CNTN5: variants seen among roughly 807,000 people sequenced by gnomAD.
CNTN5 encodes the protein contactin-5.
CNTN5 carries 77 observed loss-of-function variants against 129.1 expected under a neutral mutation model. The ratio of observed to expected loss-of-function variants is 0.60; its 90% CI spans 0.50 to 0.72. The LOEUF (loss-of-function observed/expected upper bound fraction) is 0.72, where lower values mean the gene tolerates loss of function less well. Ranked by LOEUF, CNTN5 falls within the 30% of genes least tolerant of loss-of-function variation. CNTN5 has a pLI of 0.00. For missense variants in CNTN5, 1,478 were observed against 1,328.8 expected, an observed-to-expected ratio of 1.11 and a Z score of -1.75; for synonymous variants, 509 against 465.6, an observed-to-expected ratio of 1.09 and a Z score of -1.20.
Position 100,299,142 on chromosome 11 carries a change from A to T in CNTN5, c.2386-20A>T. The T allele has an allele frequency of 2.1e-6, 3 of 1,445,218 alleles. No individual in the cohort carries two copies. Among genetic ancestry groups the T allele is most frequent in the Non-Finnish European group, 2.8e-6 (3 of 1,059,238 alleles). 89.5% of individuals were successfully genotyped at this position (1,445,218 alleles called of 1,614,324 possible). ...TAATCAATCATTTTGCTGATAATTAATTATATTTTTCTTCTTTAGCCAGTA... is the reference window on the plus strand; with the variant it reads ...TAATCAATCATTTTGCTGATAATTATTTATATTTTTCTTCTTTAGCCAGTA... On this transcript the variant is annotated intron_variant, in intron 19 of 24. Coordinates refer to ENST00000524871, the MANE Select transcript of CNTN5 (RefSeq NM_014361.4).
At chr11:99,714,259 A>G (rs1027065226) in intron 3 of CNTN5, among the ~76,000 whole-genome samples, 8 of 151,992 alleles carry the variant, frequency 5.3e-5, no homozygotes, top group African/African-American at 1.9e-4. Flanking sequence ...GTTATATTTC[A>G]TTGTATATTT....
At chr11:99,610,753 A>G (rs1950570263) in intron 3 of CNTN5, among the ~76,000 whole-genome samples, 1 of 152,168 alleles carries the variant, frequency 6.6e-6, no homozygotes, top group African/African-American at 2.4e-5. Context: ...TCGCAAGCTT[A>G]GTTTAGGTTG....
chr11:99,589,085 G>T (rs774973318), intron 3 of CNTN5, among the ~76,000 whole-genome samples: 4 of 152,206 alleles, frequency 2.6e-5, no homozygotes, highest in African/African-American at 9.6e-5. Flanking sequence ...ACATGAACAT[G>T]TTGTGAAACT....
intron 1 of CNTN5, among the ~76,000 whole-genome samples, chr11:99,246,302 C>T (rs1046875105): frequency 1.1e-4 from 14 of 124,676 alleles, no homozygotes; most frequent in African/African-American, 3.8e-4. Flanking sequence ...ACTACCCACA[C>T]ATTATTTCAT....
chr11:99,672,314 G>A (rs1176672477), intron 3 of CNTN5, among the ~76,000 whole-genome samples: 4 of 151,986 alleles, frequency 2.6e-5, no homozygotes, highest in African/African-American at 9.7e-5. Flanking sequence ...TTGCCACCAC[G>A]TCCTATAGTT....
At chr11:99,919,769 T>G (rs1005533269) in intron 7 of CNTN5, among the ~76,000 whole-genome samples, 16 of 152,078 alleles carry the variant, frequency 1.1e-4, no homozygotes, top group Admixed American at 7.2e-4. Flanking sequence ...TTTGCTATGC[T>G]TTCTGTCTCT....
intron 8 of CNTN5, among the ~76,000 whole-genome samples, chr11:99,960,637 G>A (rs1950918283): frequency 6.6e-6 from 1 of 152,138 alleles, no homozygotes; most frequent in South Asian, 2.1e-4. Flanking sequence ...ATGCAGTATA[G>A]TTTGGATGTA....
chr11:99,172,684 T>C (rs1861201295), intron 1 of CNTN5, among the ~76,000 whole-genome samples: 1 of 152,214 alleles, frequency 6.6e-6, no homozygotes, highest in Non-Finnish European at 1.5e-5. Context: ...GAATCTATAG[T>C]TATGAACAGG....
Position 100,308,578 on chromosome 11 carries a change from T to G in CNTN5, c.2730+110T>G, listed in dbSNP as rs538022604. ...AATTTCAACAGAATTTCTTAGAAAT[T>G]TTGCTCTATGTTAAAGAAACTAAGA... On this transcript the variant is annotated intron_variant, in intron 21 of 24. Transcript: ENST00000524871. 349 of 1,433,432 alleles carry G rather than the reference T, an allele frequency of 2.4e-4. 4 individuals carry two copies. In the South Asian group the frequency reaches 5.2e-3, roughly 21 times the overall value. 88.8% of individuals were successfully genotyped at this position (1,433,432 alleles called of 1,614,324 possible). A position where few individuals can be genotyped will look rare whatever the true frequency, so the allele number is the denominator to read the frequency against.
At chr11:100,097,514 G>A (rs1270632296) in intron 13 of CNTN5, among the ~76,000 whole-genome samples, 2 of 151,990 alleles carry the variant, frequency 1.3e-5, no homozygotes, top group Non-Finnish European at 2.9e-5. Context: ...ACCTTGTACA[G>A]AATAAAAGAA....
At chr11:99,112,648 C>T (rs1240804329) in intron 1 of CNTN5, among the ~76,000 whole-genome samples, 1 of 151,880 alleles carries the variant, frequency 6.6e-6, no homozygotes. Flanking sequence ...GATAGTTAAC[C>T]AAATTACATT....
chr11:99,961,708 A>G (rs1452960922), intron 8 of CNTN5, among the ~76,000 whole-genome samples: 3 of 152,228 alleles, frequency 2.0e-5, no homozygotes, highest in East Asian at 3.9e-4. Flanking sequence ...TCATCTCTTA[A>G]TAATATGAAT....
chr11:99,172,507 G>A (rs184769847), intron 1 of CNTN5, among the ~76,000 whole-genome samples: 7 of 152,234 alleles, frequency 4.6e-5, no homozygotes, highest in Admixed American at 2.6e-4. Context: ...CACCAAACTT[G>A]AGTCAGAAAA....
At chr11:100,326,193 A>C (rs1565430086) in intron 21 of CNTN5, among the ~76,000 whole-genome samples, 1 of 152,174 alleles carries the variant, frequency 6.6e-6, no homozygotes, top group Non-Finnish European at 1.5e-5. Context: ...TAAATCAATA[A>C]GAAAATTTTA....
chr11:99,734,645 T>C (rs959818671), intron 3 of CNTN5, among the ~76,000 whole-genome samples: 2 of 152,146 alleles, frequency 1.3e-5, no homozygotes, highest in African/African-American at 4.8e-5. Flanking sequence ...TACGTAGTCG[T>C]TTTTGATGAT....
chr11:99,586,894 G>A (rs902189949), intron 3 of CNTN5, among the ~76,000 whole-genome samples: 2 of 152,206 alleles, frequency 1.3e-5, no homozygotes, highest in African/African-American at 2.4e-5. Context: ...ACCATAAAGT[G>A]CTAGATATGT....
intron 1 of CNTN5, among the ~76,000 whole-genome samples, chr11:99,283,351 A>G (rs983787148): frequency 2.6e-5 from 4 of 151,994 alleles, no homozygotes; most frequent in Non-Finnish European, 4.4e-5. Context: ...AATCTATGGT[A>G]CTCTTCGTCA....
intron 3 of CNTN5, among the ~76,000 whole-genome samples, chr11:99,802,661 G>T (rs1475470740): frequency 1.3e-5 from 2 of 152,210 alleles, no homozygotes; most frequent in Non-Finnish European, 2.9e-5. Flanking sequence ...CTGTGCCACA[G>T]TCTGCACAGG....
chr11:99,761,996 T>A, intron 3 of CNTN5, among the ~76,000 whole-genome samples: 1 of 116,456 alleles, frequency 8.6e-6, no homozygotes, highest in Admixed American at 8.9e-5. Context: ...GGTTTTGATT[T>A]GCATTTCTCT....
Sources: gnomAD v4.1 joint callset for allele counts (sites outside exome capture counted in the v4.1 genomes callset) on GRCh38, gnomAD v4.1.1 for gene constraint, MANE v1.5 for transcripts, NCBI Gene and HGNC (gene_info 2026-07-23, HGNC 2026-07-21) for gene names.